The following ATP11B variants were observed in gnomAD, a reference collection of about 807,000 sequenced individuals.
ATP11B encodes phospholipid-transporting ATPase IF.
In ATP11B, 81 loss-of-function variants were observed where a neutral mutation model predicts 157.8. The ratio of observed to expected loss-of-function variants is 0.51; its 90% confidence interval spans 0.43 to 0.62. The LOEUF (loss-of-function observed/expected upper bound fraction) is 0.62, where lower values mean the gene tolerates loss of function less well. Among genes scored for constraint, ATP11B ranks in the 20% least tolerant of loss-of-function variants. The pLI is 0.00. For synonymous variants in ATP11B, 451 were observed against 469.4 expected, an observed-to-expected ratio of 0.96 and a Z score of 0.51; for missense variants, 1,165 against 1,402.2, an observed-to-expected ratio of 0.83 and a Z score of 2.70.
rs776516612 is a variant in ATP11B at position 182,836,057 on chromosome 3, A to G, written c.338A>G (p.His113Arg). Residue 113 changes from histidine to arginine, a missense_variant, in exon 5 of 30, where the codon CAT (histidine) becomes CGT (arginine). This residue lies in a region of ATP11B where 34 missense variants were observed against 79.6 expected (regional missense o/e 0.43). Transcript: ENST00000323116. ...CAGGGATATGAAGATTGGTTACGGC[A>G]TAACTCAGATAATGAAGTAAATGGA... ...IKQGYEDWLR[H>R]NSDNEVNGAP... 6.2e-7 allele frequency: 1 copy of G among 1,613,364 alleles called. No individual in the cohort carries two copies. Among genetic ancestry groups the G allele is most frequent in the Non-Finnish European group, 8.5e-7 (1 of 1,179,530 alleles).
intron 4 of ATP11B, among the ~76,000 whole-genome samples, chr3:182,834,980 CAT>C (rs1232174177): frequency 6.6e-6 from 1 of 152,084 alleles, no homozygotes; most frequent in Non-Finnish European, 1.5e-5. Flanking sequence ...GAGAAAAGAA[CAT>C]GTTTTTAAGA....
intron 1 of ATP11B, among the ~76,000 whole-genome samples, chr3:182,813,177 A>T (rs891212610): frequency 6.6e-6 from 1 of 152,202 alleles, no homozygotes; most frequent in African/African-American, 2.4e-5. Context: ...TGCTTTGGAC[A>T]TGGGTGTAGA....
chr3:182,797,649 A>G (rs1715707441), intron 1 of ATP11B, among the ~76,000 whole-genome samples: 1 of 152,178 alleles, frequency 6.6e-6, no homozygotes, highest in Non-Finnish European at 1.5e-5. Context: ...CAAAGGTTGC[A>G]GTAAGCCAAG....
intron 9 of ATP11B, among the ~76,000 whole-genome samples, 154 bp from the exon 10 acceptor site, chr3:182,848,318 CAGAA>C (rs1355344367): frequency 2.6e-5 from 4 of 152,168 alleles, no homozygotes; most frequent in African/African-American, 7.2e-5. Flanking sequence ...AAATTGGACT[CAGAA>C]AGCCTTTTAG....
intron 19 of ATP11B, among the ~76,000 whole-genome samples, chr3:182,879,218 A>G (rs1485619996): frequency 6.6e-6 from 1 of 152,214 alleles, no homozygotes; most frequent in Non-Finnish European, 1.5e-5. Context: ...GCAGTGAGCC[A>G]CTATACTCCA....
At chr3:182,897,440 T>C (rs1353532868) in intron 27 of ATP11B, 34 bp downstream of exon 27, 2 of 1,361,138 alleles carry the variant, frequency 1.5e-6, no homozygotes, top group Non-Finnish European at 2.0e-6. Flanking sequence ...ATTGGATTGC[T>C]TCAACTATAA....
chr3:182,875,075 C>T (rs866988758), intron 19 of ATP11B, among the ~76,000 whole-genome samples: 1 of 152,186 alleles, frequency 6.6e-6, no homozygotes, highest in South Asian at 2.1e-4. Context: ...TTTTGTAAAT[C>T]TATCTTTTAT....
intron 3 of ATP11B, among the ~76,000 whole-genome samples, chr3:182,829,283 A>C (rs1717950977): frequency 6.6e-6 from 1 of 152,150 alleles, no homozygotes. Flanking sequence ...TTATAGAAAA[A>C]AATTCTTTCC....
Position 182,795,067 on chromosome 3 carries a change from C to G in ATP11B, c.27+1281C>G, listed in dbSNP as rs543364458. Among the ~76,000 whole-genome samples the G allele has an allele frequency of 7.2e-5, 11 of 152,130 alleles. No homozygotes were observed. In the South Asian group the frequency reaches 2.3e-3, roughly 32 times the overall value. ...AAAAAAAATTATAAATAAGAACTGC[C>G]TACCACTCCCTCCTACAAATGTTGG... is the stretch of plus-strand genomic sequence containing the variant. On this transcript the variant is annotated intron_variant, in intron 1 of 29. Coordinates refer to ENST00000323116, the MANE Select transcript of ATP11B (RefSeq NM_014616.3).
Position 182,918,063 on chromosome 3 carries a change from A to G in ATP11B, c.3493A>G (p.Ser1165Gly). The stretch of plus-strand genomic sequence containing the variant: ...GGATCCTTTCTATACCAACGACAGG[A>G]GCATCTTGACTCTCTCCACAATGGA... ...ASDPFYTNDR[S>G]ILTLSTMDSS... is the part of the protein sequence containing the mutation. Residue 1165 changes from serine to glycine, a missense_variant, in exon 30 of 30, where the codon AGC becomes GGC. Coordinates refer to ENST00000323116, the MANE Select transcript of ATP11B (RefSeq NM_014616.3). The G allele has an allele frequency of 6.2e-7, 1 of 1,613,378 alleles. No individual in the cohort carries two copies. Among genetic ancestry groups the G allele is most frequent in the Non-Finnish European group, 8.5e-7 (1 of 1,179,552 alleles).
At chr3:182,883,566 C>T (rs538161269) in intron 21 of ATP11B, among the ~76,000 whole-genome samples, 4 of 151,864 alleles carry the variant, frequency 2.6e-5, no homozygotes, top group African/African-American at 7.2e-5. Context: ...CCTGAGCCAC[C>T]GTGCCCAGCC....
chr3:182,850,628 G>T (rs1366869992), intron 10 of ATP11B, among the ~76,000 whole-genome samples: 2 of 152,158 alleles, frequency 1.3e-5, no homozygotes, highest in African/African-American at 4.8e-5. Context: ...TCTTATACGT[G>T]GTTGGTGGGC....
intron 1 of ATP11B, among the ~76,000 whole-genome samples, chr3:182,808,205 C>T (rs1393075123): frequency 6.6e-6 from 1 of 152,150 alleles, no homozygotes; most frequent in African/African-American, 2.4e-5. Flanking sequence ...CCACTATGCT[C>T]TTTAAGGTAC....
intron 1 of ATP11B, among the ~76,000 whole-genome samples, chr3:182,806,347 ATTG>A (rs1716329898): frequency 6.6e-6 from 1 of 152,054 alleles, no homozygotes. Flanking sequence ...GTTTTTTCAT[ATTG>A]TTTTTCCTGC....
intron 28 of ATP11B, among the ~76,000 whole-genome samples, chr3:182,913,480 T>G (rs905403143): frequency 2.0e-5 from 3 of 152,242 alleles, no homozygotes; most frequent in African/African-American, 7.2e-5. Context: ...CATTTTTAAT[T>G]GAAATTGCAG....
intron 1 of ATP11B, among the ~76,000 whole-genome samples, chr3:182,798,220 G>A (rs1450142536): frequency 6.6e-6 from 1 of 152,160 alleles, no homozygotes; most frequent in South Asian, 2.1e-4. Flanking sequence ...AAATATCTTA[G>A]GATAAGAACC....
At chr3:182,814,323 C>T (rs927929355) in intron 1 of ATP11B, among the ~76,000 whole-genome samples, 1 of 152,050 alleles carries the variant, frequency 6.6e-6, no homozygotes, top group Non-Finnish European at 1.5e-5. Flanking sequence ...CCTCGGCCTC[C>T]CAAAGTGCTG....
At chr3:182,802,525 A>G (rs59778341) in intron 1 of ATP11B, among the ~76,000 whole-genome samples, 23,373 of 152,096 alleles carry the variant, frequency 0.15, 2,406 homozygotes, top group African/African-American at 0.3. Flanking sequence ...TCCCAGGCAT[A>G]CTTCAGTTTT....
Position 182,884,898 on chromosome 3 carries a change from GGTGA to G in ATP11B, c.2655+3_2655+6del. 7.2e-7 allele frequency: 1 copy of G among 1,385,734 alleles called. No individual in the cohort carries two copies. Among genetic ancestry groups the G allele is most frequent in the Non-Finnish European group, 9.8e-7 (1 of 1,015,464 alleles). The allele number at this position is 1,385,734 out of a possible 1,614,324, so 85.8% of individuals were successfully genotyped here. ...CCCTTGTACAGTATTTTTTTTATAA[GGTGA>G]GTTTCATGTATTTAGAATCAATTAT... On this transcript the variant is annotated splice_donor_variant and splice_donor_region_variant and intron_variant, in intron 22 of 29. Coordinates refer to ENST00000323116, the MANE Select transcript of ATP11B (RefSeq NM_014616.3). LOFTEE classifies it high-confidence loss of function.
Sources: gnomAD v4.1 joint callset for allele counts (sites outside exome capture counted in the v4.1 genomes callset) on GRCh38, gnomAD v4.1.1 for gene constraint, gnomAD v4.1.1 regional missense constraint, MANE v1.5 for transcripts, NCBI Gene and HGNC (gene_info 2026-07-23, HGNC 2026-07-21) for gene names.